Variants in UGGT2 observed in about 807,000 individuals in gnomAD.
The protein encoded by UGGT2 is UDP-glucose glycoprotein glucosyltransferase 2.
UGGT2 carries 180 observed loss-of-function variants against 192.1 expected under a neutral mutation model. That is an observed-to-expected ratio of 0.94 (90% CI 0.83 to 1.06). The LOEUF (loss-of-function observed/expected upper bound fraction) is 1.06. Among genes scored for constraint, UGGT2 ranks in the 50% least tolerant of loss-of-function variants. UGGT2 has a pLI of 0.00. For missense variants in UGGT2, 1,849 were observed against 1,795.7 expected, an observed-to-expected ratio of 1.03 and a Z score of -0.54; for synonymous variants, 580 against 591.0, an observed-to-expected ratio of 0.98 and a Z score of 0.27.
chr13:95,859,162 C>T (rs1250543028), intron 33 of UGGT2, among the ~76,000 whole-genome samples: 2 of 152,096 alleles, frequency 1.3e-5, no homozygotes, highest in Admixed American at 6.6e-5. Context: ...CAATACACTA[C>T]ACAGACGAAA....
In UGGT2 at chr13:95,903,081, TA is replaced by T. The variant is rs745387656; in HGVS notation, c.2296-22del. On this transcript the variant is annotated intron_variant, in intron 20 of 38. Transcript: ENST00000376747. ...GTTTTCTGCAAACATATTTATAGAT[TA>T]AAAAGACCAGTATCATACATATCAT... 4 of 1,595,008 alleles carry T rather than the reference TA, an allele frequency of 2.5e-6. No individual in the cohort carries two copies. In the African/African-American group the frequency reaches 5.4e-5, roughly 22 times the overall value.
chr13:95,926,107 T>A (rs979902283), intron 19 of UGGT2, among the ~76,000 whole-genome samples: 4 of 147,434 alleles, frequency 2.7e-5, no homozygotes, highest in African/African-American at 9.9e-5. Context: ...TACATTTGTT[T>A]AAAAAAAAAA....
intron 29 of UGGT2, among the ~76,000 whole-genome samples, chr13:95,874,446 A>C (rs931072820): frequency 6.6e-5 from 10 of 152,196 alleles, no homozygotes; most frequent in Non-Finnish European, 1.3e-4. Flanking sequence ...ATAACTGAGA[A>C]TGCTACTAAG....
intron 2 of UGGT2, among the ~76,000 whole-genome samples, chr13:96,028,189 A>G (rs1173810917): frequency 2.0e-5 from 3 of 152,150 alleles, no homozygotes; most frequent in Admixed American, 6.5e-5. Context: ...TCTCACTCAT[A>G]TATCAGCTTA....
At chr13:95,910,276 A>T (rs951593935) in intron 20 of UGGT2, among the ~76,000 whole-genome samples, 4 of 152,214 alleles carry the variant, frequency 2.6e-5, no homozygotes, top group Non-Finnish European at 5.9e-5. Flanking sequence ...TAAAAGCCCC[A>T]ATTAAAAGAC....
Position 95,856,211 on chromosome 13 carries a change from C to G in UGGT2, c.3955G>C (p.Asp1319His), listed in dbSNP as rs201650230. The G allele has an allele frequency of 5.6e-5, 90 of 1,613,252 alleles. No homozygotes were observed. The highest frequency in any genetic ancestry group is 7.0e-5 in the Non-Finnish European group (83 of 1,179,708). ...IIWGYKILFL[D>H]VLFPLAVDKI... ...TCCACTGCTAGTGGGAAAAGAACAT[C>G]AAGGAAAAGAATTTTGTAACCCCAA... Residue 1319 changes from aspartate (D) to histidine (H), a missense_variant, in exon 34 of 39, where the codon GAT becomes CAT. Asp to His is a moderately conservative substitution (Grantham distance 81). Transcript: ENST00000376747.
chr13:95,839,474 TC>T (rs1210390945), intron 36 of UGGT2, among the ~76,000 whole-genome samples: 1 of 152,212 alleles, frequency 6.6e-6, no homozygotes, highest in Non-Finnish European at 1.5e-5. Context: ...AGTACTTCAA[TC>T]CTTTTTACAG....
chr13:95,941,282 T>G (rs748164548), intron 15 of UGGT2, among the ~76,000 whole-genome samples: 42 of 152,228 alleles, frequency 2.8e-4, no homozygotes, highest in Non-Finnish European at 5.1e-4. Flanking sequence ...ATCTTCATAT[T>G]GTGGCTAAAA....
At chr13:95,930,974 C>A (rs963156112) in intron 17 of UGGT2, among the ~76,000 whole-genome samples, 1 of 145,312 alleles carries the variant, frequency 6.9e-6, no homozygotes, top group Non-Finnish European at 1.6e-5. Context: ...AACAAACCTC[C>A]CACAGCATGG....
intron 5 of UGGT2, among the ~76,000 whole-genome samples, chr13:96,001,717 A>G (rs2051811178): frequency 6.6e-6 from 1 of 152,192 alleles, no homozygotes; most frequent in Admixed American, 6.5e-5. Context: ...AAATTTTTAC[A>G]AGAAACAGAT....
In UGGT2 at chr13:95,982,475, A is replaced by G. The variant is rs944928734; in HGVS notation, c.1092+1329T>C. On this transcript the variant is annotated intron_variant, in intron 10 of 38. Coordinates refer to ENST00000376747, the MANE Select transcript of UGGT2 (RefSeq NM_020121.4). ...GCAGCCAAGTGGAAAGCCCATATGC[A>G]TAATAGGGTGGAGTGGTCAGCCTTC... is the stretch of plus-strand genomic sequence containing the variant. Among the ~76,000 whole-genome samples the G allele has an allele frequency of 5.3e-5, 8 of 152,170 alleles. No individual in the cohort carries two copies. In the East Asian group the frequency reaches 1.2e-3, roughly 22 times the overall value.
At chr13:96,030,102 G>C (rs924886047) in intron 2 of UGGT2, among the ~76,000 whole-genome samples, 1 of 152,150 alleles carries the variant, frequency 6.6e-6, no homozygotes, top group Non-Finnish European at 1.5e-5. Flanking sequence ...AGTGATCGAG[G>C]TTCCTCCACA....
intron 36 of UGGT2, among the ~76,000 whole-genome samples, chr13:95,851,408 G>C (rs530867418): frequency 1.3e-5 from 2 of 152,200 alleles, no homozygotes; most frequent in Non-Finnish European, 2.9e-5. Context: ...CAAGACTGCC[G>C]CTAGAGATGG....
intron 20 of UGGT2, among the ~76,000 whole-genome samples, chr13:95,907,938 A>G (rs988438603): frequency 2.0e-5 from 3 of 152,216 alleles, no homozygotes; most frequent in Admixed American, 6.5e-5. Flanking sequence ...GGTTGGTAAT[A>G]ACAAACTTCT....
chr13:95,869,348 A>G (rs1193543293), intron 29 of UGGT2, among the ~76,000 whole-genome samples: 2 of 152,118 alleles, frequency 1.3e-5, no homozygotes, highest in African/African-American at 4.8e-5. Context: ...CAATAAACAT[A>G]CGTGTGCATG....
At position 95,884,607 on chromosome 13, in the gene UGGT2, T is replaced by C. The variant is rs776499996; in HGVS notation, c.3112A>G (p.Lys1038Glu). 6.2e-7 allele frequency: 1 copy of C among 1,613,970 alleles called. No individual in the cohort carries two copies. Among genetic ancestry groups the C allele is most frequent in the East Asian group, 2.2e-5 (1 of 44,838 alleles). Reference sequence around the variant, plus strand: ...GGTGATTCAGGAATATCCAAAAATTTTGCCACTGGTCCAAGAGAAGAAACG... The same window carrying C: ...GGTGATTCAGGAATATCCAAAAATTCTGCCACTGGTCCAAGAGAAGAAACG... ...NDVSSLGPVA[K>E]FLDIPESPLL... is the part of the protein sequence containing the mutation. Residue 1038 changes from lysine (K) to glutamate (E), a missense_variant, in exon 27 of 39, where the codon AAA becomes GAA. Transcript: ENST00000376747.
rs1196990535 is a variant in UGGT2, at chr13:95,832,929, G to T, written c.4526C>A (p.Thr1509Lys). The change falls in exon 38 of 39, where the codon ACA (threonine) becomes AAA (lysine). Residue 1509 changes from threonine to lysine, a missense_variant and splice_region_variant. Coordinates refer to ENST00000376747, the MANE Select transcript of UGGT2 (RefSeq NM_020121.4). ...LDHLENKKQD[T>K]ILTHDEL ...ATCACAACACGTTGATGACTTACTT[G>T]TATCTTGCTTCTTGTTTTCAAGATG... The T allele has an allele frequency of 2.5e-6, 4 of 1,612,150 alleles. No homozygotes were observed. Among genetic ancestry groups the T allele is most frequent in the Non-Finnish European group, 3.4e-6 (4 of 1,178,760 alleles).
intron 10 of UGGT2, among the ~76,000 whole-genome samples, chr13:95,974,956 C>T (rs2050890618): frequency 1.3e-5 from 2 of 151,984 alleles, no homozygotes; most frequent in Non-Finnish European, 2.9e-5. Context: ...GTGGTGCATG[C>T]CTGTAGTCCC....
chr13:96,001,831 C>A (rs1250107447), intron 5 of UGGT2, among the ~76,000 whole-genome samples: 1 of 152,172 alleles, frequency 6.6e-6, no homozygotes, highest in Non-Finnish European at 1.5e-5. Context: ...TCCTCCTCAG[C>A]CTACTCAACA....
Sources: allele counts gnomAD v4.1 joint callset (sites outside exome capture counted in the v4.1 genomes callset), GRCh38; gene constraint gnomAD v4.1.1; transcripts MANE v1.5; gene names NCBI Gene and HGNC (gene_info 2026-07-23, HGNC 2026-07-21).